SDK1: variants seen among roughly 807,000 people sequenced by gnomAD.
The protein encoded by SDK1 is protein sidekick-1.
A neutral mutation model predicts 245.5 loss-of-function variants in SDK1; 157 were observed. That is an observed-to-expected ratio of 0.64 (90% CI 0.56 to 0.73). The LOEUF is 0.73. Among genes scored for constraint, SDK1 ranks in the 30% least tolerant of loss-of-function variants. The pLI is 0.00. For missense variants in SDK1, 3,583 were observed against 3,002.3 expected (o/e 1.19, Z -4.52); for synonymous variants, 1,647 against 1,278.5 (o/e 1.29, Z -6.15).
At chr7:3,498,676 A>G (rs552264096) in intron 1 of SDK1, among the ~76,000 whole-genome samples, 132 of 150,918 alleles carry the variant, frequency 8.7e-4, no homozygotes, top group South Asian at 6.9e-3. Context: ...GTGTTTCTTC[A>G]GCTCTCTGCA....
At chr7:3,383,372 C>T (rs1283281302) in intron 1 of SDK1, among the ~76,000 whole-genome samples, 1 of 152,122 alleles carries the variant, frequency 6.6e-6, no homozygotes. Context: ...GATTGTGCCA[C>T]TGCACTCCAG....
intron 2 of SDK1, among the ~76,000 whole-genome samples, chr7:3,630,415 A>G (rs981046600): frequency 1.3e-5 from 2 of 152,250 alleles, no homozygotes; most frequent in Non-Finnish European, 2.9e-5. Context: ...TAGAAGATCA[A>G]CATATAAGAA....
chr7:3,633,298 A>AT (rs1782354499), intron 2 of SDK1, among the ~76,000 whole-genome samples: 2 of 152,252 alleles, frequency 1.3e-5, no homozygotes, highest in African/African-American at 4.8e-5. Flanking sequence ...AAATATGCAG[A>AT]TTTTTTTCTT....
At chr7:3,926,098 G>A (rs1195826254) in intron 5 of SDK1, among the ~76,000 whole-genome samples, 1 of 152,150 alleles carries the variant, frequency 6.6e-6, no homozygotes, top group East Asian at 1.9e-4. Flanking sequence ...GGCTTTCCTA[G>A]TCTTCCAGCA....
intron 4 of SDK1, among the ~76,000 whole-genome samples, chr7:3,757,147 A>C (rs1779955681): frequency 6.6e-6 from 1 of 152,098 alleles, no homozygotes; most frequent in Non-Finnish European, 1.5e-5. Flanking sequence ...AGGGCTCAAA[A>C]CTACCCCCAC....
At chr7:3,617,257 C>T (rs1158527318) in intron 1 of SDK1, among the ~76,000 whole-genome samples, 6 of 152,036 alleles carry the variant, frequency 3.9e-5, no homozygotes, top group Admixed American at 6.6e-5. Flanking sequence ...ATTAGCTATC[C>T]CCTTAGTTCC....
At chr7:3,797,842 C>T (rs534110946) in intron 4 of SDK1, among the ~76,000 whole-genome samples, 4 of 152,104 alleles carry the variant, frequency 2.6e-5, no homozygotes, top group Non-Finnish European at 5.9e-5. Flanking sequence ...GATTTATATC[C>T]ACTATGGTCT....
chr7:4,098,660 G>A (rs971529755), intron 22 of SDK1, among the ~76,000 whole-genome samples: 3 of 151,356 alleles, frequency 2.0e-5, no homozygotes, highest in Non-Finnish European at 2.9e-5. Flanking sequence ...AAATGTACTC[G>A]GTTTTTTCTT....
chr7:4,216,313 A>T (rs996652528), intron 38 of SDK1, among the ~76,000 whole-genome samples: 2 of 152,092 alleles, frequency 1.3e-5, no homozygotes, highest in Non-Finnish European at 2.9e-5. Context: ...TCCAGCCCTC[A>T]CTGCCCTGCA....
At chr7:3,594,792 G>A (rs147108579) in intron 1 of SDK1, among the ~76,000 whole-genome samples, 1 of 152,086 alleles carries the variant, frequency 6.6e-6, no homozygotes, top group Non-Finnish European at 1.5e-5. Context: ...ACTGATATAA[G>A]AACCATCAGT....
chr7:3,995,884 A>G (rs2128142623), intron 14 of SDK1, among the ~76,000 whole-genome samples: 1 of 151,320 alleles, frequency 6.6e-6, no homozygotes, highest in East Asian at 2.0e-4. Flanking sequence ...TAATGTTTGT[A>G]TATTACTTTC....
intron 4 of SDK1, among the ~76,000 whole-genome samples, chr7:3,769,481 A>T (rs1325510308): frequency 6.6e-6 from 1 of 152,222 alleles, no homozygotes; most frequent in Non-Finnish European, 1.5e-5. Context: ...GGATAGATTA[A>T]TCCACTCATG....
At chr7:3,361,879 C>G (rs1348947220) in intron 1 of SDK1, among the ~76,000 whole-genome samples, 1 of 152,182 alleles carries the variant, frequency 6.6e-6, no homozygotes, top group Non-Finnish European at 1.5e-5. Context: ...GCCATATGCA[C>G]AACCTGGCAA....
chr7:3,486,944 T>C (rs1254130774), intron 1 of SDK1, among the ~76,000 whole-genome samples: 2 of 152,220 alleles, frequency 1.3e-5, no homozygotes, highest in African/African-American at 4.8e-5. Context: ...GTGTAAAGGT[T>C]ATATTTGCTT....
chr7:3,901,740 G>C (rs147556704), intron 5 of SDK1, among the ~76,000 whole-genome samples: 1 of 152,140 alleles, frequency 6.6e-6, no homozygotes, highest in Admixed American at 6.5e-5. Flanking sequence ...CTATTACCAC[G>C]ATGTTTGTGT....
At chr7:4,175,749 C>G (rs1423649518) in intron 33 of SDK1, 26 bp from the exon 34 acceptor site, 3 of 1,608,588 alleles carry the variant, frequency 1.9e-6, no homozygotes, top group Non-Finnish European at 2.6e-6. Flanking sequence ...GTGCTAACCA[C>G]CTTTCTGCTT....
chr7:3,463,770 C>G (rs1376924126), intron 1 of SDK1, among the ~76,000 whole-genome samples: 2 of 152,212 alleles, frequency 1.3e-5, no homozygotes, highest in South Asian at 4.1e-4. Context: ...CCATACATTT[C>G]TCTGCCTTAG....
chr7:3,685,799 C>T (rs1408808383), intron 4 of SDK1, among the ~76,000 whole-genome samples: 1 of 151,938 alleles, frequency 6.6e-6, no homozygotes, highest in African/African-American at 2.4e-5. Context: ...AGAAATAAAT[C>T]ACAACGGACT....
At chr7:3,614,962 C>G (rs1781721550) in intron 1 of SDK1, among the ~76,000 whole-genome samples, 2 of 151,168 alleles carry the variant, frequency 1.3e-5, no homozygotes, top group Admixed American at 1.3e-4. Context: ...ATAATTTGTA[C>G]ATGGTATAGG....
Sources: gnomAD v4.1 joint callset for allele counts (sites outside exome capture counted in the v4.1 genomes callset) on GRCh38, gnomAD v4.1.1 for gene constraint, MANE v1.5 for transcripts, NCBI Gene and HGNC (gene_info 2026-07-23, HGNC 2026-07-21) for gene names.